The following SPG7 variants were observed in gnomAD, a reference collection of about 807,000 sequenced individuals.
SPG7 encodes mitochondrial inner membrane m-AAA protease component paraplegin.
Under a neutral mutation model 81.9 loss-of-function variants are expected in SPG7, and 103 were observed. The observed-to-expected ratio is 1.26, with a 90% CI of 1.07 to 1.48. The LOEUF is 1.48. Ranked by LOEUF, SPG7 falls within the 40% of genes most tolerant of loss-of-function variation. The pLI, the probability that SPG7 is intolerant of heterozygous loss-of-function variation, is 0.00. For synonymous variants in SPG7, 534 were observed against 444.2 expected, an observed-to-expected ratio of 1.20 and a Z score of -2.54; for missense variants, 1,241 against 1,087.3, an observed-to-expected ratio of 1.14 and a Z score of -1.99.
rs748685625 is a variant in SPG7 at position 89,532,477 on chromosome 16, C to T, written c.1165C>T (p.Arg389Cys). 14 of 1,613,490 alleles carry T rather than the reference C, an allele frequency of 8.7e-6. No individual in the cohort carries two copies. The highest frequency in any genetic ancestry group is 4.5e-5 in the East Asian group (2 of 44,878). ...TGTCCCCTCAGGCCTCGGCGCTGCC[C>T]GTGTGCGGAGCCTCTTTAAGGAAGC... ...VEVIGGLGAARVRSLFKEARA... is the reference protein window; with the variant it reads ...VEVIGGLGAACVRSLFKEARA... Residue 389 changes from arginine (R) to cysteine (C), a missense_variant, in exon 9 of 17, where the codon CGT (arginine) becomes TGT (cysteine). Physicochemically the swap from Arg to Cys is radical, Grantham distance 180 (BLOSUM62 -3). Transcript: ENST00000645818.
chr16:89,545,620 A>G (rs1187722591), intron 10 of SPG7: 1 of 242,948 alleles, frequency 4.1e-6, no homozygotes, highest in African/African-American at 2.4e-5. Context: ...TCCAGGGGAC[A>G]CTGTTTCTCC....
intron 3 of SPG7, chr16:89,518,976 T>A (rs2058145043): frequency 6.6e-6 from 1 of 151,964 alleles, no homozygotes; most frequent in Non-Finnish European, 1.5e-5. Context: ...TCTGCGTCAT[T>A]TATTTTTATT....
intron 3 of SPG7, chr16:89,520,353 A>T (rs2058169200): frequency 5.9e-6 from 1 of 170,542 alleles, no homozygotes; most frequent in Non-Finnish European, 1.3e-5. Context: ...TTGCAGGCAG[A>T]GGAAGTTCCT....
At chr16:89,513,153 TGG>T in intron 3 of SPG7, 116 bp downstream of exon 3, 2 of 1,443,906 alleles carry the variant, frequency 1.4e-6, no homozygotes, top group Non-Finnish European at 9.4e-7. Context: ...CCGGGTGCAG[TGG>T]CTCACACTTG....
chr16:89,508,568 G>A lies in SPG7; in HGVS notation c.151G>A (p.Asp51Asn), dbSNP rs1410044463. ...RPYMASRPPG[D>N]LAEAGGRALQ... ...GTACATGGCCAGCAGGCCTCCGGGG[G>A]ACCTCGCCGAGGCTGGAGGCCGAGC... Residue 51 changes from aspartate (D) to asparagine (N), a missense_variant, in exon 1 of 17, where the codon GAC becomes AAC. Coordinates refer to ENST00000645818, the MANE Select transcript of SPG7 (RefSeq NM_003119.4). 2 of 1,492,970 alleles carry A rather than the reference G, an allele frequency of 1.3e-6. No individual in the cohort carries two copies. The highest frequency in any genetic ancestry group is 1.8e-6 in the Non-Finnish European group (2 of 1,127,114). 92.5% of individuals were successfully genotyped at this position (1,492,970 alleles called of 1,614,324 possible). A position where few individuals can be genotyped will look rare whatever the true frequency, so the allele number is the denominator to read the frequency against.
Position 89,557,551 on chromosome 16 carries a change from G to A in SPG7, c.*458G>A. On this transcript the variant is annotated 3_prime_UTR_variant, in exon 17 of 17. Coordinates refer to ENST00000645818, the MANE Select transcript of SPG7 (RefSeq NM_003119.4). The stretch of plus-strand genomic sequence containing the variant: ...TGAGCCGATTGTCCTATCTCCAGCG[G>A]CCCTGTCATCCAGCTCACTCATCAA... 4.9e-6 allele frequency: 1 copy of A among 203,768 alleles called. No homozygotes were observed. The highest frequency in any genetic ancestry group is 7.7e-5 in the South Asian group (1 of 12,956). The allele number at this position is 203,768 out of a possible 1,614,324, so 12.6% of individuals were successfully genotyped here. A position where few individuals can be genotyped will look rare whatever the true frequency, so the allele number is the denominator to read the frequency against.
At chr16:89,537,187 G>C (rs929687610) in intron 9 of SPG7, 11 of 1,434,912 alleles carry the variant, frequency 7.7e-6, no homozygotes, top group Non-Finnish European at 1.0e-5. Context: ...TAGGGCCGAC[G>C]CTGTGCCGGT....
rs755249434 is a variant in SPG7 at position 89,523,958 on chromosome 16, C to T, written c.377-48C>T. The stretch of plus-strand genomic sequence containing the variant: ...AGGAAGCTCTGGATGTCGCCCGTGT[C>T]TGTTGCTCATGTGTTTGTTTCTCCC... On this transcript the variant is annotated intron_variant, in intron 3 of 16. Transcript: ENST00000645818. 8.1e-6 allele frequency: 13 copies of T among 1,605,716 alleles called. 1 individual carries two copies. The South Asian group carries it at 1.3e-4, about 16-fold the overall frequency.
intron 6 of SPG7, 184 bp downstream of exon 6, chr16:89,529,763 G>A: frequency 1.5e-6 from 1 of 659,518 alleles, no homozygotes; most frequent in Non-Finnish European, 2.8e-6. Flanking sequence ...AGTAACCAAT[G>A]TTGCCTGAGG....
intron 12 of SPG7, chr16:89,549,813 A>G (rs2058611781): frequency 1.2e-5 from 2 of 165,642 alleles, no homozygotes; most frequent in East Asian, 1.7e-4. Context: ...CGTAACTCAG[A>G]GGAGGCCTCT....
chr16:89,536,519 T>C lies in SPG7; in HGVS notation c.1324+3883T>C, dbSNP rs1416602883. 0.013 allele frequency among the ~76,000 whole-genome samples: 490 copies of C among 38,426 alleles called. 11 individuals carry two copies. Among genetic ancestry groups the C allele is most frequent in the African/African-American group, 0.047 (459 of 9,842 alleles). 25.2% of individuals were successfully genotyped at this position (38,426 alleles called of 152,430 possible). A position where few individuals can be genotyped will look rare whatever the true frequency, so the allele number is the denominator to read the frequency against. On this transcript the variant is annotated intron_variant, in intron 9 of 16. Coordinates refer to ENST00000645818, the MANE Select transcript of SPG7 (RefSeq NM_003119.4). ...GGCAGGTGAGGTGAGGCGGGTGAGG[T>C]CAGGTGAGGCGGGTGAGGTCAGGTG...
intron 9 of SPG7, among the ~76,000 whole-genome samples, chr16:89,535,679 G>A (rs559236438): frequency 1.3e-5 from 2 of 152,348 alleles, no homozygotes; most frequent in African/African-American, 2.4e-5. Context: ...GTCCTCAGAG[G>A]TGGGTCCTTG....
intron 9 of SPG7, among the ~76,000 whole-genome samples, chr16:89,534,860 G>A (rs1422242043): frequency 6.6e-6 from 1 of 152,222 alleles, no homozygotes; most frequent in Non-Finnish European, 1.5e-5. Flanking sequence ...CCCCCCCGAT[G>A]TGGATGTTTG....
chr16:89,545,438 C>T (rs2058550469), intron 10 of SPG7: 2 of 185,344 alleles, frequency 1.1e-5, no homozygotes, highest in Non-Finnish European at 1.1e-5. Context: ...CTGGGCTCAG[C>T]GGCTCTCAGC....
chr16:89,557,124 TC>T lies in SPG7; in HGVS notation c.*33del. 1 of 1,585,470 alleles carries T rather than the reference TC, an allele frequency of 6.3e-7. No homozygotes were observed. The highest frequency in any genetic ancestry group is 8.6e-7 in the Non-Finnish European group (1 of 1,158,258). Reference sequence around the variant, plus strand: ...AGGTGTTGGCTGCACGTGCGGGTGGTCCGGGAAGTGAGGGCTCACTCAGCCA... The same window carrying T: ...AGGTGTTGGCTGCACGTGCGGGTGGTCGGGAAGTGAGGGCTCACTCAGCCA... On this transcript the variant is annotated 3_prime_UTR_variant, in exon 17 of 17. Coordinates refer to ENST00000645818, the MANE Select transcript of SPG7 (RefSeq NM_003119.4).
chr16:89,544,057 A>C (rs2058533433), intron 9 of SPG7: 1 of 174,820 alleles, frequency 5.7e-6, no homozygotes, highest in African/African-American at 2.4e-5. Context: ...CGTTCTTACG[A>C]GCATCCAGTC....
Position 89,550,416 on chromosome 16 carries a change from G to A in SPG7, c.1664-78G>A, listed in dbSNP as rs113696466. 2.9e-4 allele frequency: 284 copies of A among 978,050 alleles called. 2 individuals are homozygous for A. The highest frequency in any genetic ancestry group is 2.0e-3 in the South Asian group (158 of 78,118). 60.6% of individuals were successfully genotyped at this position (978,050 alleles called of 1,614,324 possible). On this transcript the variant is annotated intron_variant, in intron 12 of 16. Transcript: ENST00000645818. ...TCGAACTCCTGTCCTCAGGTCATCC[G>A]CCCGCCTTGGCCTCCCACAGCGCTG...
At chr16:89,519,278 C>A (rs2058150969) in intron 3 of SPG7, 1 of 152,180 alleles carries the variant, frequency 6.6e-6, no homozygotes, top group Admixed American at 6.6e-5. Context: ...GCCACTGCGC[C>A]CAGCCTGCTC....
At chr16:89,546,460 T>A (rs1485780969) in intron 10 of SPG7, 198 bp from the exon 11 acceptor site, 2 of 576,794 alleles carry the variant, frequency 3.5e-6, no homozygotes, top group Non-Finnish European at 6.4e-6. Flanking sequence ...GGTGGATCAC[T>A]TGAAGCCAGG....
Sources: allele counts gnomAD v4.1 joint callset (sites outside exome capture counted in the v4.1 genomes callset), GRCh38; gene constraint gnomAD v4.1.1; transcripts MANE v1.5; gene names NCBI Gene and HGNC (gene_info 2026-07-23, HGNC 2026-07-21).